Variants in MPP7 observed in about 807,000 individuals in gnomAD.
MPP7 encodes the protein MAGUK p55 subfamily member 7.
A neutral mutation model predicts 76.5 loss-of-function variants in MPP7; 60 were observed. The observed-to-expected ratio is 0.78, with a 90% CI of 0.64 to 0.97. MPP7 has a LOEUF of 0.97. Among genes scored for constraint, MPP7 ranks in the 50% least tolerant of loss-of-function variants. MPP7 has a pLI of 0.00. For missense variants in MPP7, 641 were observed against 694.0 expected (o/e 0.92, Z 0.86); for synonymous variants, 237 against 244.5 (o/e 0.97, Z 0.29).
chr10:28,147,442 CCT>C (rs747837011), intron 5 of MPP7, 39 bp downstream of exon 5: 1 of 1,506,890 alleles, frequency 6.6e-7, no homozygotes, highest in Admixed American at 1.7e-5. Context: ...AGAAAGTGGC[CCT>C]GTTTGAAGGT....
At chr10:28,173,135 A>T (rs1836740277) in intron 3 of MPP7, among the ~76,000 whole-genome samples, 1 of 152,064 alleles carries the variant, frequency 6.6e-6, no homozygotes. Flanking sequence ...CCAGACAGGA[A>T]GGGAACTTCT....
chr10:28,130,436 C>A (rs2133675718), intron 6 of MPP7, among the ~76,000 whole-genome samples: 1 of 152,266 alleles, frequency 6.6e-6, no homozygotes, highest in East Asian at 1.9e-4. Context: ...TCCCAATAAA[C>A]AAAATTGCAT....
intron 11 of MPP7, among the ~76,000 whole-genome samples, chr10:28,107,301 G>A (rs1056585682): frequency 6.6e-6 from 1 of 152,118 alleles, no homozygotes. Flanking sequence ...TTCAGGCTAC[G>A]ATGATCACCA....
At chr10:28,097,543 T>A (rs879856469) in intron 11 of MPP7, among the ~76,000 whole-genome samples, 2 of 152,064 alleles carry the variant, frequency 1.3e-5, no homozygotes, top group Non-Finnish European at 2.9e-5. Context: ...GGTTCAAGTA[T>A]TAAATGATAA....
upstream of MPP7, among the ~76,000 whole-genome samples, chr10:28,306,991 C>G (rs1841262144): frequency 6.6e-6 from 1 of 152,158 alleles, no homozygotes; most frequent in African/African-American, 2.4e-5. Context: ...AGGACTAAAT[C>G]ACCTGCCTAA....
chr10:28,316,223 G>A (rs12098255), intron 2 of MPP7, among the ~76,000 whole-genome samples: 1 of 151,864 alleles, frequency 6.6e-6, no homozygotes, highest in African/African-American at 2.4e-5. Context: ...GATCACTTGA[G>A]GTCAGACATT....
At chr10:28,262,225 A>ATTTTTTTTTTTTTTTT (rs1839992812) in intron 1 of MPP7, among the ~76,000 whole-genome samples, 1 of 23,638 alleles carries the variant, frequency 4.2e-5, no homozygotes, top group African/African-American at 1.7e-4. Flanking sequence ...ATATATATAT[A>ATTTTTTTTTTTTTTTT]CATATATATA....
intron 1 of MPP7, among the ~76,000 whole-genome samples, chr10:28,249,981 G>T (rs1839561515): frequency 6.7e-6 from 1 of 149,812 alleles, no homozygotes. Flanking sequence ...AAATGTAATA[G>T]CATTTACTAT....
In MPP7 at chr10:28,229,182, A is replaced by G. The variant is rs1471389916; in HGVS notation, c.37+9386T>C. ...AGAAAATGAAATTCCACCTAGACAC[A>G]GAATAGTGAAAGTGCAGACATCTAA... On this transcript the variant is annotated intron_variant, in intron 2 of 16. Coordinates refer to ENST00000683449, the MANE Select transcript of MPP7 (RefSeq NM_001318170.2). Among the ~76,000 whole-genome samples the G allele has an allele frequency of 3.9e-5, 6 of 152,364 alleles. No homozygotes were observed. The South Asian group carries it at 8.3e-4, about 21-fold the overall frequency.
chr10:28,235,039 G>C (rs1435123570), intron 2 of MPP7, among the ~76,000 whole-genome samples: 1 of 152,124 alleles, frequency 6.6e-6, no homozygotes, highest in Admixed American at 6.5e-5. Context: ...CAAACTTCTG[G>C]ACTCAAGAGA....
intron 3 of MPP7, among the ~76,000 whole-genome samples, chr10:28,163,867 C>T (rs897895878): frequency 6.7e-6 from 1 of 150,282 alleles, no homozygotes; most frequent in Non-Finnish European, 1.5e-5. Flanking sequence ...GCCGAGGCCG[C>T]GCCACTGCAC....
intron 2 of MPP7, among the ~76,000 whole-genome samples, chr10:28,222,901 A>T (rs958995834): frequency 1.3e-5 from 2 of 150,070 alleles, no homozygotes; most frequent in Non-Finnish European, 3.0e-5. Context: ...AGTATTACAT[A>T]CACATAAGCA....
In MPP7 at chr10:28,054,235, AAT is replaced by A; in HGVS notation, c.1559_1560del (p.Asp520ValfsTer6). 1 of 1,563,634 alleles carries A rather than the reference AAT, an allele frequency of 6.4e-7. No homozygotes were observed. Among genetic ancestry groups the A allele is most frequent in the Non-Finnish European group, 8.7e-7 (1 of 1,148,578 alleles). On this transcript the variant is annotated frameshift_variant, in exon 17 of 17. Transcript: ENST00000683449. LOFTEE classifies it high-confidence loss of function. ...TGTGCAGATTTAATCATTTCTTGAA[AAT>A]CTTCTTCCTACAAAAGGAAGTATTA... ...QGAAKPFTEE[D>X]FQEMIKSAQI... is the part of the protein sequence containing the mutation.
intron 13 of MPP7, among the ~76,000 whole-genome samples, chr10:28,065,714 T>C (rs1851964930): frequency 6.6e-6 from 1 of 152,344 alleles, no homozygotes; most frequent in South Asian, 2.1e-4. Context: ...ACCCTAGTTA[T>C]AATGCCTTTT....
intron 3 of MPP7, among the ~76,000 whole-genome samples, chr10:28,163,826 G>A (rs1057389623): frequency 6.7e-6 from 1 of 149,408 alleles, no homozygotes; most frequent in Non-Finnish European, 1.5e-5. Flanking sequence ...CAGGAGAATC[G>A]CTTGAACCCA....
chr10:28,092,775 T>C (rs1281454840), intron 11 of MPP7, among the ~76,000 whole-genome samples: 1 of 135,890 alleles, frequency 7.4e-6, no homozygotes, highest in East Asian at 2.5e-4. Context: ...AGATAAGGTT[T>C]CGCCATGTTG....
intron 3 of MPP7, among the ~76,000 whole-genome samples, chr10:28,198,687 CA>C (rs1397115644): frequency 3.7e-4 from 55 of 150,430 alleles, no homozygotes; most frequent in Admixed American, 3.5e-3. Flanking sequence ...CACACAGAAA[CA>C]TAACTAAAAA....
chr10:28,316,834 A>ACT (rs1337171342), intron 2 of MPP7, among the ~76,000 whole-genome samples: 2 of 152,132 alleles, frequency 1.3e-5, no homozygotes, highest in African/African-American at 4.8e-5. Flanking sequence ...CTTTAACGTG[A>ACT]CTCAGCTCTG....
intron 1 of MPP7, among the ~76,000 whole-genome samples, chr10:28,257,798 T>C (rs1177837531): frequency 3.9e-4 from 59 of 152,012 alleles, no homozygotes; most frequent in Admixed American, 3.7e-3. Context: ...AACTCTTTTT[T>C]ATAACAGGTT....
Sources: allele counts gnomAD v4.1 joint callset (sites outside exome capture counted in the v4.1 genomes callset), GRCh38; gene constraint gnomAD v4.1.1; transcripts MANE v1.5; gene names NCBI Gene and HGNC (gene_info 2026-07-23, HGNC 2026-07-21).